The following EPHA6 variants were observed in gnomAD, a reference collection of about 807,000 sequenced individuals.
EPHA6 encodes the protein EPH receptor A6, also known as ephrin type-A receptor 6.
Under a neutral mutation model 112.0 loss-of-function variants are expected in EPHA6, and 50 were observed. The observed-to-expected ratio is 0.45, with a 90% confidence interval of 0.36 to 0.56. EPHA6 has a LOEUF of 0.56. Ranked by LOEUF, EPHA6 falls within the 20% of genes least tolerant of loss-of-function variation. The pLI is 0.00. For synonymous variants in EPHA6, 529 were observed against 490.7 expected, an observed-to-expected ratio of 1.08 and a Z score of -1.03; for missense variants, 1,280 against 1,417.4, an observed-to-expected ratio of 0.90 and a Z score of 1.56.
intron 3 of EPHA6, among the ~76,000 whole-genome samples, chr3:97,030,685 G>C (rs1438185714): frequency 2.0e-5 from 3 of 151,942 alleles, no homozygotes; most frequent in Non-Finnish European, 4.4e-5. Context: ...TTTTAATGAG[G>C]AGTTTGTAAA....
chr3:97,402,248 G>A (rs2087037611), intron 5 of EPHA6, among the ~76,000 whole-genome samples: 6 of 151,940 alleles, frequency 3.9e-5, no homozygotes, highest in African/African-American at 1.4e-4. Context: ...GCTGAGAGTA[G>A]GGTGTTGAAG....
At chr3:97,402,814 T>C (rs577167087) in intron 5 of EPHA6, among the ~76,000 whole-genome samples, 11 of 152,312 alleles carry the variant, frequency 7.2e-5, no homozygotes, top group African/African-American at 2.6e-4. Flanking sequence ...AAAGACCTTA[T>C]TTCCTTAGAA....
At chr3:97,478,537 T>A (rs2091439568) in intron 8 of EPHA6, among the ~76,000 whole-genome samples, 1 of 152,094 alleles carries the variant, frequency 6.6e-6, no homozygotes, top group African/African-American at 2.4e-5. Flanking sequence ...TCATTAGAAA[T>A]TGCTTTAACA....
rs1401877300 is a variant in EPHA6 at position 97,759,439 on chromosome 3, G to A, written c.*10738G>A. ...TAATAGCTGGAGAAAGGAAGTCAAGGAATTGTCTTGTTTTTTAAGGATGCT... is the reference window on the plus strand; with the variant it reads ...TAATAGCTGGAGAAAGGAAGTCAAGAAATTGTCTTGTTTTTTAAGGATGCT... On this transcript the variant is annotated 3_prime_UTR_variant, in exon 18 of 18. Coordinates refer to ENST00000389672, the MANE Select transcript of EPHA6 (RefSeq NM_001080448.3). 4.4e-6 allele frequency: 1 copy of A among 227,804 alleles called. No individual in the cohort carries two copies. Among genetic ancestry groups the A allele is most frequent in the Non-Finnish European group, 8.7e-6 (1 of 114,690 alleles). 14.1% of individuals were successfully genotyped at this position (227,804 alleles called of 1,614,324 possible).
chr3:97,556,982 T>A (rs2093120407), intron 11 of EPHA6, among the ~76,000 whole-genome samples: 1 of 152,072 alleles, frequency 6.6e-6, no homozygotes, highest in South Asian at 2.1e-4. Flanking sequence ...CTCTTTTATT[T>A]TTGTGTCTGC....
chr3:97,300,173 T>A (rs1299299739), intron 5 of EPHA6, among the ~76,000 whole-genome samples: 1 of 152,190 alleles, frequency 6.6e-6, no homozygotes, highest in Admixed American at 6.5e-5. Context: ...TAGTCGCCTT[T>A]TATCACAAAA....
intron 5 of EPHA6, among the ~76,000 whole-genome samples, chr3:97,266,773 A>G (rs1196385879): frequency 7.0e-6 from 1 of 142,298 alleles, no homozygotes; most frequent in Non-Finnish European, 1.5e-5. Context: ...AAACTAGTAA[A>G]GGATGATACT....
At chr3:96,947,229 G>T (rs2041312332) in intron 2 of EPHA6, among the ~76,000 whole-genome samples, 1 of 152,002 alleles carries the variant, frequency 6.6e-6, no homozygotes, top group South Asian at 2.1e-4. Flanking sequence ...CATTGCTTTT[G>T]GTGTTTTAGA....
intron 5 of EPHA6, among the ~76,000 whole-genome samples, chr3:97,297,237 T>C (rs961863093): frequency 2.6e-5 from 4 of 152,126 alleles, no homozygotes; most frequent in African/African-American, 9.7e-5. Flanking sequence ...ACCAACTGAG[T>C]GAGCTGCCTC....
chr3:97,644,079 A>G (rs1440182930), intron 14 of EPHA6, among the ~76,000 whole-genome samples: 1 of 151,766 alleles, frequency 6.6e-6, no homozygotes. Context: ...AGAGATTATA[A>G]CAAACTATCT....
intron 5 of EPHA6, among the ~76,000 whole-genome samples, chr3:97,284,325 T>G (rs570406597): frequency 7.5e-4 from 114 of 152,298 alleles, no homozygotes; most frequent in African/African-American, 2.4e-3. Context: ...TTATTATCTT[T>G]TTTCCTTTTT....
At chr3:97,548,993 G>A (rs2092994920) in intron 11 of EPHA6, among the ~76,000 whole-genome samples, 1 of 152,160 alleles carries the variant, frequency 6.6e-6, no homozygotes, top group South Asian at 2.1e-4. Context: ...ACTCACTTGT[G>A]GGTGATGATG....
intron 2 of EPHA6, among the ~76,000 whole-genome samples, chr3:96,886,310 T>C (rs1025756773): frequency 6.6e-6 from 1 of 152,228 alleles, no homozygotes; most frequent in African/African-American, 2.4e-5. Context: ...GCTATCTGTC[T>C]CATTTCTTAG....
intron 3 of EPHA6, chr3:97,010,169 A>G (rs370165721): frequency 1.3e-5 from 13 of 1,016,400 alleles, no homozygotes; most frequent in Middle Eastern, 4.0e-4. Context: ...GTTTTCATTA[A>G]GAAGACATTG....
intron 3 of EPHA6, among the ~76,000 whole-genome samples, chr3:97,112,501 A>G (rs1249409490): frequency 2.0e-5 from 3 of 152,106 alleles, no homozygotes; most frequent in African/African-American, 7.2e-5. Flanking sequence ...ATTTTTCTAG[A>G]GTTTACTTAG....
intron 14 of EPHA6, among the ~76,000 whole-genome samples, chr3:97,690,083 C>G (rs932210976): frequency 6.6e-6 from 1 of 152,026 alleles, no homozygotes; most frequent in Non-Finnish European, 1.5e-5. Flanking sequence ...GATAATTTTG[C>G]TATTGATCTT....
chr3:97,638,200 T>G (rs1312606033), intron 14 of EPHA6, 118 bp downstream of exon 14: 6 of 704,220 alleles, frequency 8.5e-6, no homozygotes, highest in Non-Finnish European at 1.4e-5. Context: ...CTTTGCTAAT[T>G]TGATATCATT....
At chr3:97,286,434 T>A (rs1417268969) in intron 5 of EPHA6, among the ~76,000 whole-genome samples, 2 of 152,170 alleles carry the variant, frequency 1.3e-5, no homozygotes, top group Non-Finnish European at 2.9e-5. Flanking sequence ...GAGATAGGGA[T>A]TTAGTTTCAT....
intron 2 of EPHA6, among the ~76,000 whole-genome samples, chr3:96,885,748 G>A (rs62262952): frequency 0.031 from 4,716 of 151,066 alleles, 106 homozygotes; most frequent in Middle Eastern, 0.068. Context: ...TCTTTGTTAC[G>A]TCCCTTTTTC....
Sources: allele counts gnomAD v4.1 joint callset (sites outside exome capture counted in the v4.1 genomes callset), GRCh38; gene constraint gnomAD v4.1.1; transcripts MANE v1.5; gene names NCBI Gene and HGNC (gene_info 2026-07-23, HGNC 2026-07-21).